SMIM10L3: variants seen among roughly 807,000 people sequenced by gnomAD.
SMIM10L3 encodes the protein small integral membrane protein 10 like 3, also known as salivary gland specific protein SAGSIN1.
chr7:6,331,898 G>A, the SMIM10L3 span, among the ~76,000 whole-genome samples: 1 of 151,874 alleles, frequency 6.6e-6, no homozygotes, highest in Non-Finnish European at 1.5e-5. Flanking sequence ...CTGCCACCAT[G>A]CCCAGCTAAT....
chr7:6,348,859 G>A, the SMIM10L3 span: 1 of 390,848 alleles, frequency 2.6e-6, no homozygotes, highest in African/African-American at 2.1e-5. Flanking sequence ...CGAAGGAGGC[G>A]GCGGCTAGAC....
At chr7:6,331,297 C>T in the SMIM10L3 span, 5 of 738,972 alleles carry the variant, frequency 6.8e-6, no homozygotes, top group South Asian at 9.4e-5. Flanking sequence ...AGAGCATCTA[C>T]ACCCACCAAA....
the SMIM10L3 span, among the ~76,000 whole-genome samples, chr7:6,339,902 G>A: frequency 0.011 from 1,534 of 146,080 alleles, 11 homozygotes; most frequent in Middle Eastern, 0.07. Context: ...CTTTCCGCAG[G>A]GAGCATGAGT....
At chr7:6,333,228 A>G in the SMIM10L3 span, among the ~76,000 whole-genome samples, 2 of 152,000 alleles carry the variant, frequency 1.3e-5, no homozygotes, top group Non-Finnish European at 2.9e-5. Flanking sequence ...TGCAGTTATT[A>G]TTAGAGGCTG....
the SMIM10L3 span, among the ~76,000 whole-genome samples, chr7:6,348,034 C>T: frequency 6.6e-6 from 1 of 151,572 alleles, no homozygotes; most frequent in Non-Finnish European, 1.5e-5. Context: ...CCTCAGCCTC[C>T]CGAGTAGCTG....
At chr7:6,343,397 CATATATATATATATATATAT>C in the SMIM10L3 span, among the ~76,000 whole-genome samples, 29,191 of 87,102 alleles carry the variant, frequency 0.34, 4,673 homozygotes, top group East Asian at 0.69. Flanking sequence ...ATAATAATTT[CATATATATATATATATATAT>C]ATATATATAT....
At chr7:6,343,643 A>G in the SMIM10L3 span, among the ~76,000 whole-genome samples, 1 of 151,892 alleles carries the variant, frequency 6.6e-6, no homozygotes, top group Admixed American at 6.6e-5. Context: ...TAAGAACTCC[A>G]GGAGATTAAG....
the SMIM10L3 span, among the ~76,000 whole-genome samples, chr7:6,331,478 T>G: frequency 1.3e-5 from 2 of 151,778 alleles, no homozygotes; most frequent in Non-Finnish European, 2.9e-5. Flanking sequence ...AAGGTTTTTG[T>G]TTTTTTGAGA....
the SMIM10L3 span, among the ~76,000 whole-genome samples, chr7:6,336,105 G>A: frequency 2.0e-5 from 3 of 151,246 alleles, no homozygotes; most frequent in Admixed American, 6.6e-5. Flanking sequence ...CCTGGGAGGC[G>A]GAGGTTACAG....
the SMIM10L3 span, chr7:6,348,480 T>C: frequency 2.4e-6 from 1 of 408,816 alleles, no homozygotes; most frequent in Non-Finnish European, 4.3e-6. Flanking sequence ...ACACTCAGCT[T>C]CTAGGCAGTG....
chr7:6,334,013 AT>A, the SMIM10L3 span, among the ~76,000 whole-genome samples: 1 of 150,844 alleles, frequency 6.6e-6, no homozygotes, highest in Non-Finnish European at 1.5e-5. Flanking sequence ...CGCCCGGCTA[AT>A]TTTTCGTATT....
the SMIM10L3 span, chr7:6,348,913 G>T: frequency 5.2e-6 from 2 of 385,392 alleles, no homozygotes; most frequent in African/African-American, 2.1e-5. Flanking sequence ...CGCACGTCAC[G>T]CTCGGAGAAG....
At chr7:6,330,980 C>G in the SMIM10L3 span, 84 of 1,614,238 alleles carry the variant, frequency 5.2e-5, no homozygotes, top group African/African-American at 1.1e-3. Context: ...GATAATGCCT[C>G]ACTTTGTGAA....
chr7:6,348,943 C>A, the SMIM10L3 span: 1 of 380,456 alleles, frequency 2.6e-6, no homozygotes, highest in East Asian at 3.8e-5. Context: ...GAGCAGCCGC[C>A]TGTACCAGCC....
the SMIM10L3 span, among the ~76,000 whole-genome samples, chr7:6,337,672 T>A: frequency 1.3e-5 from 2 of 151,666 alleles, no homozygotes; most frequent in Non-Finnish European, 2.9e-5. Context: ...CATAAAAAAA[T>A]TCATTTAATA....
At chr7:6,336,578 G>A in the SMIM10L3 span, among the ~76,000 whole-genome samples, 5 of 151,744 alleles carry the variant, frequency 3.3e-5, no homozygotes, top group African/African-American at 1.2e-4. Flanking sequence ...CTATTAGTCA[G>A]GAGGCTGAGA....
the SMIM10L3 span, chr7:6,330,507 T>C: frequency 6.2e-7 from 1 of 1,614,214 alleles, no homozygotes; most frequent in South Asian, 1.1e-5. Context: ...ACATGGGCTT[T>C]AAACGGTCAA....
At chr7:6,337,264 T>G in the SMIM10L3 span, among the ~76,000 whole-genome samples, 2 of 152,046 alleles carry the variant, frequency 1.3e-5, no homozygotes, top group Non-Finnish European at 2.9e-5. Context: ...TTCTCCCCTT[T>G]GGGACTAGCC....
chr7:6,337,945 AG>A, the SMIM10L3 span, among the ~76,000 whole-genome samples: 2 of 151,644 alleles, frequency 1.3e-5, no homozygotes, highest in Non-Finnish European at 2.9e-5. Flanking sequence ...CTGGTACTAC[AG>A]GCACCAGCTG....
Sources: gnomAD v4.1 joint callset for allele counts (sites outside exome capture counted in the v4.1 genomes callset) on GRCh38, gnomAD v4.1.1 for gene constraint, MANE v1.5 for transcripts, NCBI Gene and HGNC (gene_info 2026-07-23, HGNC 2026-07-21) for gene names.